TTLL1: variants seen among roughly 807,000 people sequenced by gnomAD.
The protein encoded by TTLL1 is polyglutamylase complex subunit TTLL1.
Under a neutral mutation model 47.8 loss-of-function variants are expected in TTLL1, and 33 were observed. That is an observed-to-expected ratio of 0.69 (90% CI 0.52 to 0.92). The LOEUF (loss-of-function observed/expected upper bound fraction) is 0.92. Ranked by LOEUF, TTLL1 falls within the 40% of genes least tolerant of loss-of-function variation. TTLL1 has a pLI of 0.00. For synonymous variants in TTLL1, 225 were observed against 214.1 expected, an observed-to-expected ratio of 1.05 and a Z score of -0.45; for missense variants, 488 against 547.5, an observed-to-expected ratio of 0.89 and a Z score of 1.08.
chr22:43,083,374 AACAG>A (rs554163477), intron 1 of TTLL1, among the ~76,000 whole-genome samples: 3,063 of 151,874 alleles, frequency 0.02, 104 homozygotes, highest in African/African-American at 0.069. Flanking sequence ...GTCTCAAACA[AACAG>A]ACAAAAAACA....
rs191564577 is a variant in TTLL1 at position 43,051,714 on chromosome 22, C to T, written c.978+87G>A. 845 of 1,254,564 alleles carry T rather than the reference C, an allele frequency of 6.7e-4. 6 individuals carry two copies. In the African/African-American group the frequency reaches 0.011, roughly 16 times the overall value. 77.7% of individuals were successfully genotyped at this position (1,254,564 alleles called of 1,614,324 possible). On this transcript the variant is annotated intron_variant, in intron 9 of 10. Transcript: ENST00000266254. ...TGCCTGGCCTGAGAAACATCTGGGGCCTGGGGGACTGCTGGGCCCGAATCG... is the reference window on the plus strand; with the variant it reads ...TGCCTGGCCTGAGAAACATCTGGGGTCTGGGGGACTGCTGGGCCCGAATCG...
intron 3 of TTLL1, among the ~76,000 whole-genome samples, chr22:43,075,165 G>T (rs1928400486): frequency 1.3e-5 from 2 of 151,970 alleles, no homozygotes; most frequent in Admixed American, 6.6e-5. Context: ...ACTCTGTCCT[G>T]TCCTCTGGCC....
intron 8 of TTLL1, among the ~76,000 whole-genome samples, chr22:43,058,684 G>A (rs1927185744): frequency 6.8e-6 from 1 of 147,992 alleles, no homozygotes; most frequent in Non-Finnish European, 1.5e-5. Context: ...GTGAAAACAG[G>A]TTTTTTTTTG....
chr22:43,066,730 C>T (rs1414318123), intron 5 of TTLL1, among the ~76,000 whole-genome samples: 1 of 151,706 alleles, frequency 6.6e-6, no homozygotes, highest in African/African-American at 2.4e-5. Context: ...GGCTCACCCC[C>T]TGTAATACTA....
chr22:43,081,829 G>A (rs1178897990), intron 1 of TTLL1, among the ~76,000 whole-genome samples: 2 of 143,674 alleles, frequency 1.4e-5, no homozygotes, highest in Non-Finnish European at 3.0e-5. Context: ...TTATAGGCGT[G>A]AGCCATCACA....
intron 7 of TTLL1, 65 bp downstream of exon 7, chr22:43,063,748 G>A (rs947386927): frequency 4.0e-6 from 6 of 1,511,376 alleles, no homozygotes; most frequent in Non-Finnish European, 5.5e-6. Context: ...TTACAGGCGT[G>A]AGCCACCACA....
rs530427070 is a variant in TTLL1, at chr22:43,039,778, A to G, written c.1270T>C (p.Ter424ArgextTer17). 84 of 1,609,470 alleles carry G rather than the reference A, an allele frequency of 5.2e-5. No individual in the cohort carries two copies. In the East Asian group the frequency reaches 1.8e-3, roughly 35 times the overall value. The change falls in exon 11 of 11, where the codon TGA (stop) becomes CGA (arginine). Residue 424 changes from the stop codon to arginine (R), a stop_lost. Coordinates refer to ENST00000266254, the MANE Select transcript of TTLL1 (RefSeq NM_012263.5). ...SGRAVLTTWK[*>R] ...TTTTGATAAGGTCCAGGTGGGACTCACTTCCAGGTGGTGAGGACCGCTCTC... is the reference window on the plus strand; with the variant it reads ...TTTTGATAAGGTCCAGGTGGGACTCGCTTCCAGGTGGTGAGGACCGCTCTC...
chr22:43,046,492 T>A lies in TTLL1; in HGVS notation c.1060A>T (p.Ile354Phe). The A allele has an allele frequency of 6.2e-7, 1 of 1,614,032 alleles. No homozygotes were observed. The highest frequency in any genetic ancestry group is 1.1e-5 in the South Asian group (1 of 91,078). The change falls in exon 10 of 11, where the codon ATC becomes TTC. Residue 354 changes from isoleucine (I) to phenylalanine (F), a missense_variant. Physicochemically the swap from Ile to Phe is conservative, Grantham distance 21. Transcript: ENST00000266254. ...GGGATTTCACCATTCGGGACGGCGATGTTGAGGGTGTCATTAATCAGGTTG... is the reference window on the plus strand; with the variant it reads ...GGGATTTCACCATTCGGGACGGCGAAGTTGAGGGTGTCATTAATCAGGTTG... ...KYNLINDTLNIAVPNGEIPDC... is the reference protein window; with the variant it reads ...KYNLINDTLNFAVPNGEIPDC...
chr22:43,084,845 G>A (rs1929125606), intron 1 of TTLL1, among the ~76,000 whole-genome samples: 1 of 152,004 alleles, frequency 6.6e-6, no homozygotes, highest in South Asian at 2.1e-4. Context: ...CTTATCATCA[G>A]GTGGTTAGGT....
intron 3 of TTLL1, among the ~76,000 whole-genome samples, chr22:43,072,515 A>G (rs955197597): frequency 3.4e-4 from 52 of 152,238 alleles, no homozygotes; most frequent in African/African-American, 1.3e-3. Flanking sequence ...TCTGTTGCCC[A>G]GGCTGGAGTG....
At chr22:43,081,032 C>T (rs1601705143) in intron 1 of TTLL1, among the ~76,000 whole-genome samples, 1 of 148,756 alleles carries the variant, frequency 6.7e-6, no homozygotes, top group Non-Finnish European at 1.5e-5. Flanking sequence ...TCTTCTGCCT[C>T]AGCCTCTGGA....
chr22:43,052,469 G>A (rs1926706960), intron 8 of TTLL1: 2 of 158,360 alleles, frequency 1.3e-5, no homozygotes, highest in Non-Finnish European at 2.8e-5. Context: ...GCTGGGTGCA[G>A]TGGCTCATGC....
chr22:43,045,614 T>C (rs926245314), intron 10 of TTLL1, among the ~76,000 whole-genome samples: 16 of 151,810 alleles, frequency 1.1e-4, no homozygotes, highest in African/African-American at 3.9e-4. Flanking sequence ...CCTGGTCTAT[T>C]ATACCAATTT....
intron 1 of TTLL1, among the ~76,000 whole-genome samples, chr22:43,087,826 T>G (rs1307718878): frequency 7.5e-5 from 7 of 93,686 alleles, no homozygotes; most frequent in Admixed American, 1.4e-4. Flanking sequence ...GGTGACAGAG[T>G]GAGACGGTCT....
chr22:43,082,367 G>A (rs1217593564), intron 1 of TTLL1, among the ~76,000 whole-genome samples: 2 of 152,004 alleles, frequency 1.3e-5, no homozygotes, highest in Non-Finnish European at 2.9e-5. Flanking sequence ...GGAAAAGCCT[G>A]TTTCTTTTTC....
chr22:43,072,364 C>T (rs758667990), intron 3 of TTLL1, among the ~76,000 whole-genome samples: 3 of 152,048 alleles, frequency 2.0e-5, no homozygotes, highest in Non-Finnish European at 4.4e-5. Flanking sequence ...CTGTGTTAGC[C>T]TGGATAGTCT....
At chr22:43,071,900 G>C (rs1034122403) in intron 3 of TTLL1, among the ~76,000 whole-genome samples, 2 of 152,246 alleles carry the variant, frequency 1.3e-5, no homozygotes, top group African/African-American at 4.8e-5. Flanking sequence ...GGTGGGCACA[G>C]CTGCACTGCC....
intron 9 of TTLL1, among the ~76,000 whole-genome samples, chr22:43,047,697 G>T (rs1480567251): frequency 6.6e-6 from 1 of 152,108 alleles, no homozygotes; most frequent in Non-Finnish European, 1.5e-5. Flanking sequence ...TTGAACCCCT[G>T]ACCTCAGGGG....
At position 43,075,599 on chromosome 22, in the gene TTLL1, G is replaced by C. The variant is rs373694695; in HGVS notation, c.-4-9C>G. 1.2e-6 allele frequency: 2 copies of C among 1,611,250 alleles called. No individual in the cohort carries two copies. Among genetic ancestry groups the C allele is most frequent in the Non-Finnish European group, 8.5e-7 (1 of 1,177,430 alleles). Reference sequence around the variant, plus strand: ...CTTTCCCTGCCATAATCCTGGAAGAGATCAAAATATTAGAGATATGAAACT... The same window carrying C: ...CTTTCCCTGCCATAATCCTGGAAGACATCAAAATATTAGAGATATGAAACT... On this transcript the variant is annotated splice_polypyrimidine_tract_variant and intron_variant, in intron 2 of 10. Coordinates refer to ENST00000266254, the MANE Select transcript of TTLL1 (RefSeq NM_012263.5).
Sources: allele counts gnomAD v4.1 joint callset (sites outside exome capture counted in the v4.1 genomes callset), GRCh38; gene constraint gnomAD v4.1.1; transcripts MANE v1.5; gene names NCBI Gene and HGNC (gene_info 2026-07-23, HGNC 2026-07-21).